Variants in TTC21B observed in about 807,000 individuals in gnomAD.
The protein encoded by TTC21B is tetratricopeptide repeat domain 21B, also known as tetratricopeptide repeat protein 21B.
A neutral mutation model predicts 175.1 loss-of-function variants in TTC21B; 127 were observed. The observed-to-expected ratio is 0.73, with a 90% CI of 0.63 to 0.84. TTC21B has a LOEUF of 0.84. Ranked by LOEUF, TTC21B falls within the 40% of genes least tolerant of loss-of-function variation. The pLI, the probability that TTC21B is intolerant of heterozygous loss-of-function variation, is 0.00. For synonymous variants in TTC21B, 524 were observed against 524.5 expected, an observed-to-expected ratio of 1.00 and a Z score of 0.01; for missense variants, 1,561 against 1,558.3, an observed-to-expected ratio of 1.00 and a Z score of -0.03.
chr2:165,928,215 A>G (rs1379845855), intron 11 of TTC21B, among the ~76,000 whole-genome samples: 1 of 152,206 alleles, frequency 6.6e-6, no homozygotes, highest in Non-Finnish European at 1.5e-5. Flanking sequence ...ATCATGATCC[A>G]CAAGGAATAT....
chr2:165,930,402 T>C, intron 8 of TTC21B, 38 bp from the exon 9 acceptor site: 1 of 1,453,084 alleles, frequency 6.9e-7, no homozygotes, highest in Non-Finnish European at 9.5e-7. Flanking sequence ...TTTCAAAGTC[T>C]AACATTTCTA....
Position 165,913,591 on chromosome 2 carries a change from A to G in TTC21B, c.2194T>C (p.Tyr732His). ...AATTTTACCTCTAGAATATTCATGTATGCATCACCAAGGAGAAGAAAAGAC... is the reference window on the plus strand; with the variant it reads ...AATTTTACCTCTAGAATATTCATGTGTGCATCACCAAGGAGAAGAAAAGAC... ...PRSFLLLGDAYMNILEPEEAI... is the reference protein window; with the variant it reads ...PRSFLLLGDAHMNILEPEEAI... The change falls in exon 16 of 29, where the codon TAC (tyrosine) becomes CAC (histidine). Residue 732 changes from tyrosine (Y) to histidine (H), a missense_variant. Tyr to His is a moderately conservative substitution (Grantham distance 83). Coordinates refer to ENST00000243344, the MANE Select transcript of TTC21B (RefSeq NM_024753.5). 1 of 1,612,598 alleles carries G rather than the reference A, an allele frequency of 6.2e-7. No individual in the cohort carries two copies. Among genetic ancestry groups the G allele is most frequent in the South Asian group, 1.1e-5 (1 of 91,022 alleles).
intron 22 of TTC21B, among the ~76,000 whole-genome samples, chr2:165,897,035 C>T (rs1181602039): frequency 6.6e-6 from 1 of 152,116 alleles, no homozygotes; most frequent in Non-Finnish European, 1.5e-5. Flanking sequence ...AGGTGATGCT[C>T]AGGCAAGTCA....
chr2:165,912,788 G>GA (rs1686001742), intron 16 of TTC21B, among the ~76,000 whole-genome samples, 164 bp from the exon 17 acceptor site: 1 of 152,160 alleles, frequency 6.6e-6, no homozygotes, highest in African/African-American at 2.4e-5. Context: ...TGATAAATGA[G>GA]AAAAGCAGGT....
chr2:165,929,756 A>G lies in TTC21B; in HGVS notation c.1088-9T>C, dbSNP rs765161422. On this transcript the variant is annotated splice_polypyrimidine_tract_variant and intron_variant, in intron 9 of 28. Transcript: ENST00000243344. ...CTGACATTGGATAAATCCTAAAATCAAACAGCAGAAAGACAGTCAAAGTCC... is the reference window on the plus strand; with the variant it reads ...CTGACATTGGATAAATCCTAAAATCGAACAGCAGAAAGACAGTCAAAGTCC... 1.3e-6 allele frequency: 2 copies of G among 1,591,002 alleles called. No homozygotes were observed. Among genetic ancestry groups the G allele is most frequent in the Non-Finnish European group, 1.7e-6 (2 of 1,161,086 alleles).
chr2:165,949,866 T>G (rs891146735), intron 1 of TTC21B, 142 bp from the exon 2 acceptor site: 14 of 743,712 alleles, frequency 1.9e-5, no homozygotes, highest in Non-Finnish European at 2.9e-5. Context: ...TAAAATACTA[T>G]TAATGGCTAG....
At chr2:165,905,598 T>C (rs1411450193) in intron 19 of TTC21B, among the ~76,000 whole-genome samples, 4 of 152,154 alleles carry the variant, frequency 2.6e-5, no homozygotes, top group African/African-American at 4.8e-5. Flanking sequence ...CAGGAAGATA[T>C]TGTAATTCTA....
At chr2:165,895,518 A>G (rs1210750820) in intron 22 of TTC21B, among the ~76,000 whole-genome samples, 1 of 152,244 alleles carries the variant, frequency 6.6e-6, no homozygotes, top group African/African-American at 2.4e-5. Flanking sequence ...AAGTTAGATC[A>G]TTGTCTCAAA....
chr2:165,910,609 T>A lies in TTC21B; in HGVS notation c.2461+718A>T, dbSNP rs556161160. On this transcript the variant is annotated intron_variant, in intron 18 of 28. Transcript: ENST00000243344. Reference sequence around the variant, plus strand: ...AAAATAATGGAAAGCAAACTAAACATCCAATAATTTCAAGAAAATTAAGTA... The same window carrying A: ...AAAATAATGGAAAGCAAACTAAACAACCAATAATTTCAAGAAAATTAAGTA... 7.9e-5 allele frequency among the ~76,000 whole-genome samples: 12 copies of A among 152,092 alleles called. No individual in the cohort carries two copies. The South Asian group carries it at 2.5e-3, about 32-fold the overall frequency.
rs2105370126 is a variant in TTC21B, at chr2:165,949,388, T to C, written c.262+6A>G. 6.3e-7 allele frequency: 1 copy of C among 1,592,444 alleles called. No homozygotes were observed. The highest frequency in any genetic ancestry group is 8.6e-7 in the Non-Finnish European group (1 of 1,160,368). On this transcript the variant is annotated splice_donor_region_variant and intron_variant, in intron 3 of 28. Coordinates refer to ENST00000243344, the MANE Select transcript of TTC21B (RefSeq NM_024753.5). ...ATGTCCTAAGCATTGCATTTAAATA[T>C]CATACCTGGATTAGGACTCATTTTA...
intron 5 of TTC21B, among the ~76,000 whole-genome samples, chr2:165,941,526 C>T (rs1687368040): frequency 6.6e-6 from 1 of 151,816 alleles, no homozygotes; most frequent in Non-Finnish European, 1.5e-5. Context: ...TTTCAAGTAG[C>T]ATCTAAAATT....
intron 1 of TTC21B, among the ~76,000 whole-genome samples, chr2:165,951,310 C>T (rs1028534483): frequency 2.6e-5 from 4 of 152,310 alleles, no homozygotes; most frequent in Middle Eastern, 3.4e-3. Flanking sequence ...CTTCTTACAA[C>T]GCCTCAGTCT....
rs1559064972 is a variant in TTC21B at position 165,927,314 on chromosome 2, T to TA, written c.1386+1820_1386+1821insT. On this transcript the variant is annotated intron_variant, in intron 11 of 28. Coordinates refer to ENST00000243344, the MANE Select transcript of TTC21B (RefSeq NM_024753.5). ...AGTAGTTATATATATATATTATATA[T>TA]TATATAATATATATATAATATATAA... 9.4e-4 allele frequency among the ~76,000 whole-genome samples: 48 copies of TA among 51,024 alleles called. 13 individuals carry two copies. Among genetic ancestry groups the TA allele is most frequent in the African/African-American group, 1.4e-3 (27 of 19,518 alleles). 33.5% of individuals were successfully genotyped at this position (51,024 alleles called of 152,430 possible).
intron 22 of TTC21B, among the ~76,000 whole-genome samples, chr2:165,891,800 GA>G (rs5836063): frequency 0.98 from 149,199 of 151,548 alleles, 73,493 homozygotes; most frequent in Middle Eastern, 1. Context: ...AAAGTATGAA[GA>G]AAAAAAAAAT....
At chr2:165,909,843 A>C (rs1036949051) in intron 18 of TTC21B, among the ~76,000 whole-genome samples, 1 of 152,250 alleles carries the variant, frequency 6.6e-6, no homozygotes, top group Non-Finnish European at 1.5e-5. Flanking sequence ...AAGAAGAGCT[A>C]TATTTCTAAC....
chr2:165,912,617 T>A lies in TTC21B; in HGVS notation c.2219A>T (p.Glu740Val), dbSNP rs1221340971. The change falls in exon 17 of 29, where the codon GAA (glutamate) becomes GTA (valine). Residue 740 changes from glutamate to valine, a missense_variant. Physicochemically the swap from Glu to Val is moderately radical, Grantham distance 121. Transcript: ENST00000243344. ...DAYMNILEPE[E>V]AIVAYEQALN... Reference sequence around the variant, plus strand: ...TGCTTGCTCATATGCTACTATGGCTTCTTCAGGCTAATATTGCCAGACACA... The same window carrying A: ...TGCTTGCTCATATGCTACTATGGCTACTTCAGGCTAATATTGCCAGACACA... The A allele has an allele frequency of 6.2e-7, 1 of 1,613,918 alleles. No homozygotes were observed. Among genetic ancestry groups the A allele is most frequent in the Non-Finnish European group, 8.5e-7 (1 of 1,179,802 alleles).
intron 19 of TTC21B, among the ~76,000 whole-genome samples, chr2:165,903,685 T>A (rs181287103): frequency 5.3e-5 from 8 of 152,300 alleles, no homozygotes; most frequent in Non-Finnish European, 1.0e-4. Flanking sequence ...AAAGCAAAAT[T>A]CCTAAGACTT....
rs553279760 is a variant in TTC21B at position 165,886,494 on chromosome 2, G to A, written c.3459+1785C>T. 3.9e-5 allele frequency among the ~76,000 whole-genome samples: 6 copies of A among 152,124 alleles called. No homozygotes were observed. In the South Asian group the frequency reaches 1.2e-3, roughly 32 times the overall value. On this transcript the variant is annotated intron_variant, in intron 25 of 28. Coordinates refer to ENST00000243344, the MANE Select transcript of TTC21B (RefSeq NM_024753.5). Reference sequence around the variant, plus strand: ...TATATTGAATACATGCAGCCTAGGAGTTAAAAGAAAAAAAAGTGAGAAAAT... The same window carrying A: ...TATATTGAATACATGCAGCCTAGGAATTAAAAGAAAAAAAAGTGAGAAAAT...
intron 27 of TTC21B, 103 bp downstream of exon 27, chr2:165,880,576 T>C: frequency 3.2e-6 from 4 of 1,233,898 alleles, no homozygotes; most frequent in Non-Finnish European, 3.5e-6. Flanking sequence ...GAAAATTGAC[T>C]CAATGTTTAT....
Sources: allele counts gnomAD v4.1 joint callset (sites outside exome capture counted in the v4.1 genomes callset), GRCh38; gene constraint gnomAD v4.1.1; transcripts MANE v1.5; gene names NCBI Gene and HGNC (gene_info 2026-07-23, HGNC 2026-07-21).